Variants in LONRF3 observed in about 807,000 individuals in gnomAD.
LONRF3 encodes the protein LON peptidase N-terminal domain and ring finger 3.
Under a neutral mutation model 51.7 loss-of-function variants are expected in LONRF3, and 19 were observed. That is an observed-to-expected ratio of 0.37 (90% CI 0.26 to 0.54). LONRF3 has a LOEUF of 0.54. Among genes scored for constraint, LONRF3 ranks in the 20% least tolerant of loss-of-function variants. LONRF3 has a pLI of 0.86. For synonymous variants in LONRF3, 265 were observed against 257.8 expected (o/e 1.03, Z -0.27); for missense variants, 521 against 623.9 (o/e 0.84, Z 1.76).
intron 2 of LONRF3, among the ~76,000 whole-genome samples, chrX:118,980,736 G>A (rs368497969): frequency 2.3e-4 from 26 of 111,450 alleles, no homozygotes; most frequent in African/African-American, 8.2e-4. Flanking sequence ...GAGCTGCCTA[G>A]GAGTAAGAGG....
rs376688770 is a variant in LONRF3 at position 118,974,819 on chromosome X, C to T, written c.39C>T (p.Pro13=). ...SVRIEQMLSL[P]AEVSSDNLES... is the part of the protein sequence containing the mutation. ...GGATCGAACAGATGCTGAGCTTGCC[C>T]GCTGAGGTCAGCAGCGACAACTTGG... Residue 13 remains proline, a synonymous_variant, in exon 1 of 11, where the codon CCC becomes CCT. Coordinates refer to ENST00000371628, the MANE Select transcript of LONRF3 (RefSeq NM_001031855.3). The T allele has an allele frequency of 6.9e-5, 83 of 1,206,837 alleles. 1 individual carries two copies. The highest frequency in any genetic ancestry group is 8.3e-5 in the Non-Finnish European group (74 of 894,125).
intron 10 of LONRF3, among the ~76,000 whole-genome samples, chrX:119,017,090 A>G (rs1450992157): frequency 8.9e-6 from 1 of 111,996 alleles, no homozygotes; most frequent in Non-Finnish European, 1.9e-5. Context: ...CTATTCCACA[A>G]GAGCATTCAG....
rs954214528 is a variant in LONRF3, at chrX:118,976,179, GGGGT to G, written c.817+587_817+590del. ...CCCTTCCGGGGCCGCGGCTCCCTGT[GGGGT>G]GGGTCCGGCATGGAATTAGGTCAGG... On this transcript the variant is annotated intron_variant, in intron 1 of 10. Transcript: ENST00000371628. Among the ~76,000 whole-genome samples the G allele has an allele frequency of 6.2e-5, 7 of 113,293 alleles. No individual in the cohort carries two copies. The Admixed American group carries it at 6.4e-4, about 10-fold the overall frequency.
At chrX:118,993,632 G>A (rs1053668679) in intron 5 of LONRF3, among the ~76,000 whole-genome samples, 11 of 111,391 alleles carry the variant, frequency 9.9e-5, no homozygotes, top group African/African-American at 3.6e-4. Context: ...AAACTTCCCC[G>A]GCCTTGTGAG....
intron 5 of LONRF3, among the ~76,000 whole-genome samples, chrX:119,005,130 G>T (rs774297168): frequency 1.8e-4 from 20 of 111,787 alleles, no homozygotes; most frequent in African/African-American, 6.5e-4. Flanking sequence ...GAGCCGTGCA[G>T]CTGGCAGCCT....
intron 7 of LONRF3, 132 bp downstream of exon 7, chrX:119,009,379 T>A: frequency 4.6e-6 from 3 of 655,543 alleles, no homozygotes; most frequent in East Asian, 3.7e-5. Context: ...GTGAGAGTAT[T>A]TACACCATGG....
chrX:119,012,582 G>T (rs1354491134), intron 8 of LONRF3, among the ~76,000 whole-genome samples: 2 of 110,903 alleles, frequency 1.8e-5, no homozygotes, highest in Non-Finnish European at 3.8e-5. Flanking sequence ...ATAGTGGAAG[G>T]GCATAGCAGA....
intron 3 of LONRF3, chrX:118,987,148 G>A: frequency 1.1e-6 from 1 of 907,244 alleles, no homozygotes; most frequent in Non-Finnish European, 1.5e-6. Context: ...AACGTGGGGA[G>A]TGAGCCCTCC....
chrX:118,989,696 G>T, intron 4 of LONRF3, 24 bp downstream of exon 4: 2 of 1,194,972 alleles, frequency 1.7e-6, no homozygotes, highest in Admixed American at 2.3e-5. Flanking sequence ...CCAGAGAGAA[G>T]GTAGCTTGGA....
chrX:119,001,746 G>A (rs187752625), intron 5 of LONRF3, among the ~76,000 whole-genome samples: 22 of 112,753 alleles, frequency 2.0e-4, no homozygotes, highest in Non-Finnish European at 3.4e-4. Context: ...TTTGCTAAGA[G>A]ATTGCTGTGT....
chrX:118,996,735 C>T (rs1263603365), intron 5 of LONRF3, among the ~76,000 whole-genome samples: 1 of 110,156 alleles, frequency 9.1e-6, no homozygotes, highest in Non-Finnish European at 1.9e-5. Flanking sequence ...ATCCTGGCTA[C>T]CACAAAGAAA....
At chrX:118,978,286 C>G (rs1047227629) in intron 1 of LONRF3, 59 bp from the exon 2 acceptor site, 13 of 763,209 alleles carry the variant, frequency 1.7e-5, no homozygotes, top group Non-Finnish European at 2.2e-5. Context: ...TCATACAGGA[C>G]TTAACACCTG....
intron 8 of LONRF3, among the ~76,000 whole-genome samples, chrX:119,012,492 A>G (rs1013647421): frequency 7.2e-5 from 8 of 110,999 alleles, no homozygotes; most frequent in Non-Finnish European, 1.5e-4. Context: ...ATCAAAATTT[A>G]TTTCTCATGG....
At chrX:119,010,966 T>C (rs919508106) in intron 7 of LONRF3, among the ~76,000 whole-genome samples, 5 of 109,620 alleles carry the variant, frequency 4.6e-5, no homozygotes, top group African/African-American at 1.7e-4. Context: ...TTACAAAAAT[T>C]AGCCAGGCAT....
chrX:119,011,108 C>T (rs190995401), intron 7 of LONRF3, among the ~76,000 whole-genome samples: 3,958 of 102,011 alleles, frequency 0.039, 235 homozygotes, highest in African/African-American at 0.14. Context: ...AGTGAGACTC[C>T]GCTTAAAAAA....
intron 5 of LONRF3, 81 bp from the exon 6 acceptor site, chrX:119,006,040 G>T: frequency 5.6e-6 from 3 of 535,851 alleles, no homozygotes; most frequent in Admixed American, 3.1e-5. Context: ...TCTAAATAAT[G>T]CTTTAAAAAC....
chrX:118,979,300 C>CTTTTTTTTTTTTTTTTTTTT, intron 2 of LONRF3, among the ~76,000 whole-genome samples: 1 of 97,359 alleles, frequency 1.0e-5, no homozygotes, highest in Admixed American at 1.1e-4. Context: ...ACCGCGCTGG[C>CTTTTTTTTTTTTTTTTTTTT]TTTTTTTTTT....
intron 3 of LONRF3, chrX:118,986,863 C>G (rs1923006849): frequency 2.8e-6 from 3 of 1,058,510 alleles, no homozygotes; most frequent in Non-Finnish European, 3.8e-6. Context: ...CTTCACCCTC[C>G]TCCCCTTCAC....
At chrX:119,006,698 C>T (rs1199494864) in intron 6 of LONRF3, among the ~76,000 whole-genome samples, 1 of 112,105 alleles carries the variant, frequency 8.9e-6, no homozygotes, top group East Asian at 2.8e-4. Flanking sequence ...TGCCATTCTC[C>T]TGCCTCAGCC....
Sources: gnomAD v4.1 joint callset for allele counts (sites outside exome capture counted in the v4.1 genomes callset) on GRCh38, gnomAD v4.1.1 for gene constraint, MANE v1.5 for transcripts, NCBI Gene and HGNC (gene_info 2026-07-23, HGNC 2026-07-21) for gene names.